The following TSTD2 variants were observed in gnomAD, a reference collection of about 807,000 sequenced individuals.
TSTD2 encodes thiosulfate sulfurtransferase like domain containing 2, also known as thiosulfate sulfurtransferase/rhodanese-like domain-containing protein 2.
TSTD2 carries 37 observed loss-of-function variants against 47.9 expected under a neutral mutation model. The observed-to-expected ratio is 0.77, with a 90% CI of 0.59 to 1.02. The LOEUF (loss-of-function observed/expected upper bound fraction) is 1.02. Ranked by LOEUF, TSTD2 falls within the 50% of genes least tolerant of loss-of-function variation. The probability of loss-of-function intolerance (pLI) is 0.00; values close to 1 mark genes in which losing one functional copy is unlikely to be tolerated. For synonymous variants in TSTD2, 201 were observed against 215.9 expected (o/e 0.93, Z 0.61); for missense variants, 586 against 616.0 (o/e 0.95, Z 0.52).
At chr9:97,605,012 GACACTGAGGA>G in intron 8 of TSTD2, 147 bp from the exon 9 acceptor site, 3 of 1,416,676 alleles carry the variant, frequency 2.1e-6, no homozygotes, top group Non-Finnish European at 2.8e-6. Flanking sequence ...CCCACTGCGG[GACACTGAGGA>G]ATTGCTGACC....
chr9:97,611,700 C>G lies in TSTD2; in HGVS notation c.604-1G>C. 6.2e-7 allele frequency: 1 copy of G among 1,600,326 alleles called. No individual in the cohort carries two copies. On this transcript the variant is annotated splice_acceptor_variant, in intron 4 of 9. Coordinates refer to ENST00000341170, the MANE Select transcript of TSTD2 (RefSeq NM_139246.5). LOFTEE classifies it high-confidence loss of function. ...TGATTCCTTCTGCAGCAATTCGAATCTGAGACACAAGACGGTGAAAAAGAG... is the reference window on the plus strand; with the variant it reads ...TGATTCCTTCTGCAGCAATTCGAATGTGAGACACAAGACGGTGAAAAAGAG...
At chr9:97,613,985 C>T (rs1215763766) in intron 4 of TSTD2, among the ~76,000 whole-genome samples, 2 of 152,050 alleles carry the variant, frequency 1.3e-5, no homozygotes, top group African/African-American at 4.8e-5. Context: ...CCCGCCACCA[C>T]GCCCGGCTAA....
At chr9:97,613,868 G>A (rs1032127889) in intron 4 of TSTD2, among the ~76,000 whole-genome samples, 15 of 138,332 alleles carry the variant, frequency 1.1e-4, no homozygotes, top group South Asian at 2.2e-4. Context: ...TCGCTGTGTC[G>A]CCCAGACTGC....
intron 4 of TSTD2, among the ~76,000 whole-genome samples, chr9:97,614,413 T>C (rs1795559104): frequency 6.8e-6 from 1 of 147,598 alleles, no homozygotes; most frequent in Non-Finnish European, 1.5e-5. Context: ...TCTCCAAATA[T>C]CTACTGAGGG....
At chr9:97,607,893 A>T (rs913518054) in intron 6 of TSTD2, among the ~76,000 whole-genome samples, 11 of 151,942 alleles carry the variant, frequency 7.2e-5, no homozygotes, top group Admixed American at 2.0e-4. Flanking sequence ...TCTCAAAAAA[A>T]GGCCAGGCGT....
chr9:97,604,937 C>A, intron 8 of TSTD2, 72 bp from the exon 9 acceptor site: 1 of 1,579,880 alleles, frequency 6.3e-7, no homozygotes, highest in South Asian at 1.2e-5. Context: ...GGAAGAACGG[C>A]GCATGGCGAG....
chr9:97,631,291 ATTTT>A (rs748743286), intron 1 of TSTD2, among the ~76,000 whole-genome samples: 1 of 144,804 alleles, frequency 6.9e-6, no homozygotes, highest in East Asian at 2.0e-4. Context: ...TAATTTTTGT[ATTTT>A]TTTTTTTAGT....
At chr9:97,627,798 T>C (rs559407701) in intron 1 of TSTD2, among the ~76,000 whole-genome samples, 186 bp from the exon 2 acceptor site, 1 of 152,246 alleles carries the variant, frequency 6.6e-6, no homozygotes, top group South Asian at 2.1e-4. Flanking sequence ...GCACTGAGAA[T>C]ATAGCAGTAA....
chr9:97,604,009 T>C (rs1826320400), intron 9 of TSTD2: 1 of 152,224 alleles, frequency 6.6e-6, no homozygotes, highest in South Asian at 2.1e-4. Flanking sequence ...TATTTTTAAA[T>C]GCATAAAATA....
rs1453833796 is a variant in TSTD2 at position 97,600,187 on chromosome 9, G to A, written c.*2282C>T. ...CCCTCCTTGGAATTTTGAAAACCTCGATTAAAGTTGCCAAATTGATTACTG... is the reference window on the plus strand; with the variant it reads ...CCCTCCTTGGAATTTTGAAAACCTCAATTAAAGTTGCCAAATTGATTACTG... On this transcript the variant is annotated 3_prime_UTR_variant, in exon 10 of 10. Transcript: ENST00000341170. 5.0e-6 allele frequency: 5 copies of A among 995,266 alleles called. No homozygotes were observed. Among genetic ancestry groups the A allele is most frequent in the Non-Finnish European group, 6.0e-6 (5 of 834,864 alleles). The allele number at this position is 995,266 out of a possible 1,614,324, so 61.7% of individuals were successfully genotyped here.
At chr9:97,616,903 C>CGGA (rs780334030) in intron 4 of TSTD2, among the ~76,000 whole-genome samples, 2 of 152,196 alleles carry the variant, frequency 1.3e-5, no homozygotes, top group Non-Finnish European at 2.9e-5. Context: ...TATACACAAC[C>CGGA]TTCCATGTTT....
At chr9:97,620,164 G>A (rs183445420) in intron 3 of TSTD2, among the ~76,000 whole-genome samples, 1 of 152,120 alleles carries the variant, frequency 6.6e-6, no homozygotes, top group Non-Finnish European at 1.5e-5. Context: ...GAATCATGGG[G>A]GTAGGTCTTT....
At chr9:97,621,341 T>C (rs921704584) in intron 3 of TSTD2, among the ~76,000 whole-genome samples, 3 of 151,910 alleles carry the variant, frequency 2.0e-5, no homozygotes, top group South Asian at 2.1e-4. Context: ...ATTGTGTTAA[T>C]TGCACAAACT....
chr9:97,628,162 A>C (rs998483940), intron 1 of TSTD2, among the ~76,000 whole-genome samples: 3 of 152,230 alleles, frequency 2.0e-5, no homozygotes, highest in African/African-American at 7.2e-5. Flanking sequence ...AGAGCTATGA[A>C]AATTTCCTTC....
chr9:97,627,747 G>C, intron 1 of TSTD2, 135 bp from the exon 2 acceptor site: 1 of 528,054 alleles, frequency 1.9e-6, no homozygotes, highest in Middle Eastern at 5.0e-4. Context: ...TAAATCAATA[G>C]TATTTACTTA....
At chr9:97,614,535 T>C (rs1312852179) in intron 4 of TSTD2, among the ~76,000 whole-genome samples, 1 of 152,090 alleles carries the variant, frequency 6.6e-6, no homozygotes, top group African/African-American at 2.4e-5. Flanking sequence ...AGTAATAAAT[T>C]CTTTGAAAAG....
chr9:97,610,280 T>C (rs768634875), intron 6 of TSTD2, 66 bp downstream of exon 6: 2 of 1,430,914 alleles, frequency 1.4e-6, no homozygotes, highest in Admixed American at 2.0e-5. Context: ...AGTGCCTAGC[T>C]TTCTTATTTG....
At chr9:97,609,472 T>C (rs1409031687) in intron 6 of TSTD2, among the ~76,000 whole-genome samples, 1 of 152,184 alleles carries the variant, frequency 6.6e-6, no homozygotes, top group African/African-American at 2.4e-5. Context: ...ATCTATAGGT[T>C]GAAAGACACT....
At chr9:97,624,329 C>T (rs1826685729) in intron 3 of TSTD2, among the ~76,000 whole-genome samples, 1 of 147,998 alleles carries the variant, frequency 6.8e-6, no homozygotes, top group Non-Finnish European at 1.5e-5. Context: ...TATGAAGAGA[C>T]CCCCACAGAG....
Sources: gnomAD v4.1 joint callset for allele counts (sites outside exome capture counted in the v4.1 genomes callset) on GRCh38, gnomAD v4.1.1 for gene constraint, MANE v1.5 for transcripts, NCBI Gene and HGNC (gene_info 2026-07-23, HGNC 2026-07-21) for gene names.